Variants in TTC28 observed in about 807,000 individuals in gnomAD.
TTC28 encodes tetratricopeptide repeat domain 28, also known as tetratricopeptide repeat protein 28.
Under a neutral mutation model 198.0 loss-of-function variants are expected in TTC28, and 61 were observed. That is an observed-to-expected ratio of 0.31 (90% CI 0.25 to 0.38). TTC28 has a LOEUF of 0.38. Ranked by LOEUF, TTC28 falls within the 10% of genes least tolerant of loss-of-function variation. The probability of loss-of-function intolerance (pLI) is 1.00; values close to 1 mark genes in which losing one functional copy is unlikely to be tolerated. For synonymous variants in TTC28, 1,171 were observed against 1,297.8 expected (o/e 0.90, Z 2.10); for missense variants, 2,678 against 3,164.0 (o/e 0.85, Z 3.69).
intron 12 of TTC28, among the ~76,000 whole-genome samples, chr22:28,065,487 ATGCTAAC>A (rs1940715235): frequency 6.6e-6 from 1 of 152,190 alleles, no homozygotes; most frequent in Non-Finnish European, 1.5e-5. Flanking sequence ...AGAGTTAGGC[ATGCTAAC>A]TGTGATCATT....
intron 6 of TTC28, among the ~76,000 whole-genome samples, chr22:28,115,413 C>T (rs946106320): frequency 6.6e-6 from 1 of 152,234 alleles, no homozygotes; most frequent in Non-Finnish European, 1.5e-5. Flanking sequence ...TCTTTTCCCT[C>T]ACCATACACA....
chr22:28,022,216 C>T (rs188463968), intron 13 of TTC28, among the ~76,000 whole-genome samples: 88 of 152,282 alleles, frequency 5.8e-4, no homozygotes, highest in Non-Finnish European at 4.4e-5. Context: ...GGCCTGTGCC[C>T]TCTATCCCAG....
chr22:28,375,591 T>TAG (rs1236727942), intron 2 of TTC28, among the ~76,000 whole-genome samples: 1 of 152,242 alleles, frequency 6.6e-6, no homozygotes, highest in Non-Finnish European at 1.5e-5. Flanking sequence ...TTTCCACTAA[T>TAG]AGCTCTTGCT....
At chr22:28,398,163 G>C (rs1453751975) in intron 2 of TTC28, among the ~76,000 whole-genome samples, 1 of 152,178 alleles carries the variant, frequency 6.6e-6, no homozygotes, top group Non-Finnish European at 1.5e-5. Flanking sequence ...AGAGGATCTG[G>C]TTAAGTGCCT....
Position 28,105,617 on chromosome 22 carries a change from A to G in TTC28, c.2969T>C (p.Met990Thr). 1 of 1,551,872 alleles carries G rather than the reference A, an allele frequency of 6.4e-7. No individual in the cohort carries two copies. Among genetic ancestry groups the G allele is most frequent in the African/African-American group, 1.4e-5 (1 of 73,118 alleles). ...LERQLNIARD[M>T]KDRALESDAA... ...GTCACTCTCCAGGGCTCGGTCTTTC[A>G]TATCTCTAGCAATGTTCAGCTGGCG... Residue 990 changes from methionine (M) to threonine (T), a missense_variant, in exon 8 of 23, where the codon ATG becomes ACG. Physicochemically the swap from Met to Thr is moderately conservative, Grantham distance 81. Transcript: ENST00000397906.
chr22:28,539,303 A>G (rs757463548), intron 2 of TTC28, among the ~76,000 whole-genome samples: 77 of 152,210 alleles, frequency 5.1e-4, no homozygotes, highest in Non-Finnish European at 9.0e-4. Context: ...GGTTGCTAGG[A>G]GATAAAGTGT....
chr22:28,397,290 T>C (rs1173283567), intron 2 of TTC28, among the ~76,000 whole-genome samples: 3 of 152,330 alleles, frequency 2.0e-5, no homozygotes, highest in East Asian at 3.9e-4. Flanking sequence ...TTAAAGCTCA[T>C]TGATCCTCAC....
At chr22:28,387,859 T>C (rs1428338707) in intron 2 of TTC28, among the ~76,000 whole-genome samples, 1 of 152,182 alleles carries the variant, frequency 6.6e-6, no homozygotes, top group Non-Finnish European at 1.5e-5. Context: ...TTAGATCCCA[T>C]TTGTCAATTT....
At chr22:28,284,418 C>T (rs1257534092) in intron 5 of TTC28, among the ~76,000 whole-genome samples, 1 of 152,096 alleles carries the variant, frequency 6.6e-6, no homozygotes, top group Non-Finnish European at 1.5e-5. Context: ...GTGTTTAGAG[C>T]AGCCTTTCTG....
intron 13 of TTC28, among the ~76,000 whole-genome samples, chr22:28,015,569 T>C (rs539417364): frequency 1.3e-5 from 2 of 151,296 alleles, no homozygotes; most frequent in Admixed American, 6.6e-5. Flanking sequence ...TCCACAGTTA[T>C]GTACCACAAC....
intron 3 of TTC28, among the ~76,000 whole-genome samples, chr22:28,304,826 T>C (rs547816441): frequency 1.6e-4 from 25 of 152,202 alleles, no homozygotes; most frequent in African/African-American, 5.5e-4. Flanking sequence ...AAATTCCCTG[T>C]GGAGGGGTGT....
chr22:28,449,515 A>G (rs1243018867), intron 2 of TTC28, among the ~76,000 whole-genome samples: 1 of 152,244 alleles, frequency 6.6e-6, no homozygotes, highest in Non-Finnish European at 1.5e-5. Context: ...CCCATGTTAT[A>G]GGAGAGGAAG....
At chr22:28,303,890 A>G (rs1042057592) in intron 3 of TTC28, 3 of 151,906 alleles carry the variant, frequency 2.0e-5, no homozygotes, top group Non-Finnish European at 4.4e-5. Context: ...AACAACTGAC[A>G]TAACAGATCA....
intron 6 of TTC28, among the ~76,000 whole-genome samples, chr22:28,127,413 C>T (rs567606800): frequency 4.6e-5 from 7 of 152,226 alleles, no homozygotes; most frequent in African/African-American, 1.7e-4. Flanking sequence ...AACAACCAAC[C>T]AACCTCCCCT....
chr22:28,079,263 T>C (rs1007517936), intron 12 of TTC28, among the ~76,000 whole-genome samples: 1 of 152,138 alleles, frequency 6.6e-6, no homozygotes, highest in East Asian at 1.9e-4. Context: ...GTGGTAGCAG[T>C]GGTTTAGGAT....
Position 28,163,568 on chromosome 22 carries a change from T to G in TTC28, c.965A>C (p.His322Pro). The G allele has an allele frequency of 1.9e-6, 3 of 1,549,320 alleles. No homozygotes were observed. Among genetic ancestry groups the G allele is most frequent in the Non-Finnish European group, 2.6e-6 (3 of 1,145,766 alleles). The stretch of plus-strand genomic sequence containing the variant: ...GTAGTCTCCAATGGCTGTGTACACG[T>G]GGCCCAGACTGCTCAAGGCTGATGA... ...AASSALSSLG[H>P]VYTAIGDYPN... is the part of the protein sequence containing the mutation. The change falls in exon 6 of 23, where the codon CAC becomes CCC. Residue 322 changes from histidine (H) to proline (P), a missense_variant. His to Pro is a moderately conservative substitution (Grantham distance 77). Around this residue, in one of 8 missense-constraint regions of TTC28, gnomAD observed 775 missense variants for 845.9 expected, o/e 0.92. Coordinates refer to ENST00000397906, the MANE Select transcript of TTC28 (RefSeq NM_001145418.2).
intron 2 of TTC28, among the ~76,000 whole-genome samples, chr22:28,355,948 C>T (rs1442496038): frequency 2.6e-5 from 4 of 152,222 alleles, no homozygotes; most frequent in South Asian, 2.1e-4. Context: ...GCTCACACTG[C>T]CCTCCTCTAT....
intron 2 of TTC28, among the ~76,000 whole-genome samples, chr22:28,574,972 T>G (rs1484187649): frequency 6.6e-6 from 1 of 152,222 alleles, no homozygotes; most frequent in East Asian, 1.9e-4. Flanking sequence ...TCCCACTCTG[T>G]GGGCTGTCTC....
At chr22:27,995,222 C>T (rs1271909825) in intron 17 of TTC28, among the ~76,000 whole-genome samples, 1 of 152,178 alleles carries the variant, frequency 6.6e-6, no homozygotes, top group Admixed American at 6.5e-5. Context: ...CCCCGGTCCT[C>T]CATCTTAACC....
Sources: allele counts gnomAD v4.1 joint callset (sites outside exome capture counted in the v4.1 genomes callset), GRCh38; gene constraint gnomAD v4.1.1; regional missense constraint gnomAD v4.1.1; transcripts MANE v1.5; gene names NCBI Gene and HGNC (gene_info 2026-07-23, HGNC 2026-07-21).